LSAMP: variants seen among roughly 807,000 people sequenced by gnomAD.
LSAMP encodes the protein limbic system associated membrane protein.
LSAMP carries 7 observed loss-of-function variants against 38.6 expected under a neutral mutation model. The observed-to-expected ratio is 0.18, with a 90% CI of 0.10 to 0.34. The LOEUF (loss-of-function observed/expected upper bound fraction) is 0.34, where lower values mean the gene tolerates loss of function less well. Among genes scored for constraint, LSAMP ranks in the 10% least tolerant of loss-of-function variants. The probability of loss-of-function intolerance (pLI) is 1.00; values close to 1 mark genes in which losing one functional copy is unlikely to be tolerated. For synonymous variants in LSAMP, 154 were observed against 166.8 expected (o/e 0.92, Z 0.59); for missense variants, 313 against 420.0 (o/e 0.75, Z 2.23).
chr3:116,102,767 T>TTATCTCTCTATCTATCTATCTATC (rs1553703921), intron 1 of LSAMP, among the ~76,000 whole-genome samples: 1 of 151,036 alleles, frequency 6.6e-6, no homozygotes, highest in African/African-American at 2.5e-5. Flanking sequence ...TTTTAAAATT[T>TTATCTCTCTATCTATCTATCTATC]TATCTATCTA....
Position 116,337,952 on chromosome 3 carries a change from AATAG to A in LSAMP, c.155+106921_155+106924del, listed in dbSNP as rs536551361. ...TTGTCTAAGAATTACACTTTAAAGA[AATAG>A]ATAGGTAGGTCCAGTCTGAAAACAC... On this transcript the variant is annotated intron_variant, in intron 1 of 6. Transcript: ENST00000490035. Among the ~76,000 whole-genome samples the A allele has an allele frequency of 4.7e-4, 72 of 152,200 alleles. 1 individual carries two copies. The highest frequency in any genetic ancestry group is 9.4e-4 in the Non-Finnish European group (64 of 67,982).
At chr3:115,846,766 C>A (rs1166378101) in intron 4 of LSAMP, among the ~76,000 whole-genome samples, 3 of 152,056 alleles carry the variant, frequency 2.0e-5, no homozygotes, top group Non-Finnish European at 4.4e-5. Context: ...GGAAAAAATA[C>A]CATTCAGGGG....
intron 3 of LSAMP, among the ~76,000 whole-genome samples, chr3:116,010,903 A>G (rs1337336469): frequency 2.0e-5 from 3 of 152,134 alleles, no homozygotes; most frequent in Non-Finnish European, 4.4e-5. Context: ...TAATATTTCT[A>G]TTTTTTTAGA....
intron 1 of LSAMP, among the ~76,000 whole-genome samples, chr3:116,170,230 G>A (rs1710162871): frequency 6.6e-6 from 1 of 152,034 alleles, no homozygotes; most frequent in South Asian, 2.1e-4. Context: ...CAAGAAAAAA[G>A]TAACGAAGAA....
At chr3:116,094,615 C>T (rs936570186) in intron 1 of LSAMP, among the ~76,000 whole-genome samples, 4 of 152,124 alleles carry the variant, frequency 2.6e-5, no homozygotes, top group South Asian at 2.1e-4. Flanking sequence ...GTAAGAACAC[C>T]GAGGTAGTAG....
At chr3:115,966,671 A>T (rs1938825810) in intron 3 of LSAMP, among the ~76,000 whole-genome samples, 1 of 152,238 alleles carries the variant, frequency 6.6e-6, no homozygotes, top group Admixed American at 6.5e-5. Context: ...TTATCCAATG[A>T]ACTACTAATA....
At chr3:116,332,821 T>C (rs2047867979) in intron 1 of LSAMP, among the ~76,000 whole-genome samples, 1 of 151,786 alleles carries the variant, frequency 6.6e-6, no homozygotes, top group Admixed American at 6.6e-5. Context: ...AAAATAGTAA[T>C]CAAAAGAGAG....
chr3:115,814,249 TAA>T (rs989133217), intron 6 of LSAMP: 27 of 152,198 alleles, frequency 1.8e-4, no homozygotes, highest in Admixed American at 1.0e-3. Context: ...CTGCAAATCA[TAA>T]GTCAACATGC....
chr3:116,143,586 C>T (rs1709421161), intron 1 of LSAMP, among the ~76,000 whole-genome samples: 1 of 151,888 alleles, frequency 6.6e-6, no homozygotes, highest in Non-Finnish European at 1.5e-5. Flanking sequence ...TAAATGTATA[C>T]ATCTACTATA....
At chr3:116,347,015 G>C (rs2048071878) in intron 1 of LSAMP, among the ~76,000 whole-genome samples, 1 of 152,136 alleles carries the variant, frequency 6.6e-6, no homozygotes, top group Admixed American at 6.5e-5. Context: ...ATATACAAAT[G>C]ATACTCGGTC....
chr3:116,256,190 G>A (rs1470083584), intron 1 of LSAMP, among the ~76,000 whole-genome samples: 3 of 152,192 alleles, frequency 2.0e-5, no homozygotes, highest in South Asian at 4.1e-4. Flanking sequence ...CTGGTTCAAA[G>A]CCAGGTTTTG....
In LSAMP at chr3:116,267,157, AT is replaced by A. The variant is rs565570176; in HGVS notation, c.155+177719del. ...AGCTGGAATGCAAGGCAGATGTTAC[AT>A]TTTTTTTTGAAGTTGGCGCCACTTG... On this transcript the variant is annotated intron_variant, in intron 1 of 6. Coordinates refer to ENST00000490035, the MANE Select transcript of LSAMP (RefSeq NM_002338.5). Among the ~76,000 whole-genome samples, 1,332 of 151,504 alleles carry A rather than the reference AT, an allele frequency of 8.8e-3. 12 individuals carry two copies. Among genetic ancestry groups the A allele is most frequent in the Non-Finnish European group, 0.013 (887 of 67,792 alleles).
At chr3:116,276,801 G>A (rs148466003) in intron 1 of LSAMP, among the ~76,000 whole-genome samples, 24 of 152,256 alleles carry the variant, frequency 1.6e-4, no homozygotes, top group Middle Eastern at 6.8e-3. Flanking sequence ...GGCTGGCCCA[G>A]TAGGACAATT....
At chr3:116,271,910 A>G (rs959878822) in intron 1 of LSAMP, among the ~76,000 whole-genome samples, 4 of 152,052 alleles carry the variant, frequency 2.6e-5, no homozygotes, top group Admixed American at 2.0e-4. Flanking sequence ...TTTCCTATTT[A>G]TTCTATTTGA....
rs1056471905 is a variant in LSAMP at position 115,807,287 on chromosome 3, C to G, written c.*3030G>C. The stretch of plus-strand genomic sequence containing the variant: ...GTTCACACTGCTTAGGGAACACTTT[C>G]AATCCTATGAAATTTCTGGGGACAA... On this transcript the variant is annotated 3_prime_UTR_variant, in exon 7 of 7. Coordinates refer to ENST00000490035, the MANE Select transcript of LSAMP (RefSeq NM_002338.5). 10 of 152,148 alleles carry G rather than the reference C, an allele frequency of 6.6e-5. No homozygotes were observed. The highest frequency in any genetic ancestry group is 6.2e-4 in the South Asian group (3 of 4,826). The allele number at this position is 152,148 out of a possible 1,614,324, so 9.4% of individuals were successfully genotyped here. A position where few individuals can be genotyped will look rare whatever the true frequency, so the allele number is the denominator to read the frequency against.
chr3:116,415,738 T>G (rs1559860398), intron 1 of LSAMP, among the ~76,000 whole-genome samples: 1 of 152,124 alleles, frequency 6.6e-6, no homozygotes, highest in Non-Finnish European at 1.5e-5. Context: ...TTACCCTTCA[T>G]GCTGGATTGT....
At chr3:116,059,316 C>G (rs1340837309) in intron 2 of LSAMP, among the ~76,000 whole-genome samples, 2 of 152,134 alleles carry the variant, frequency 1.3e-5, no homozygotes, top group South Asian at 2.1e-4. Context: ...TTTTCAACTA[C>G]TCATATTTTT....
At chr3:115,956,177 A>C (rs1033145127) in intron 3 of LSAMP, among the ~76,000 whole-genome samples, 1 of 151,736 alleles carries the variant, frequency 6.6e-6, no homozygotes, top group East Asian at 1.9e-4. Flanking sequence ...CTGTAAAGGG[A>C]AACTTACAGT....
intron 3 of LSAMP, among the ~76,000 whole-genome samples, chr3:115,916,815 ATCTC>A (rs1431040025): frequency 2.0e-5 from 3 of 152,306 alleles, no homozygotes; most frequent in African/African-American, 7.2e-5. Context: ...ATTCAAGTCT[ATCTC>A]TCTATCTCTG....
Sources: allele counts gnomAD v4.1 joint callset (sites outside exome capture counted in the v4.1 genomes callset), GRCh38; gene constraint gnomAD v4.1.1; transcripts MANE v1.5; gene names NCBI Gene and HGNC (gene_info 2026-07-23, HGNC 2026-07-21).